The following SLC25A46 variants were observed in gnomAD, a reference collection of about 807,000 sequenced individuals.
SLC25A46 encodes solute carrier family 25 member 46.
In SLC25A46, 39 loss-of-function variants were observed where a neutral mutation model predicts 44.6. The ratio of observed to expected loss-of-function variants is 0.87; its 90% CI spans 0.68 to 1.14. SLC25A46 has a LOEUF of 1.14. Among genes scored for constraint, SLC25A46 ranks in the 50% most tolerant of loss-of-function variants. The pLI is 0.00. For synonymous variants in SLC25A46, 202 were observed against 185.8 expected, an observed-to-expected ratio of 1.09 and a Z score of -0.71; for missense variants, 547 against 522.7, an observed-to-expected ratio of 1.05 and a Z score of -0.45.
chr5:110,739,091 C>T lies in SLC25A46; in HGVS notation c.-29C>T, dbSNP rs377179458. 242 of 1,539,260 alleles carry T rather than the reference C, an allele frequency of 1.6e-4. No homozygotes were observed. The highest frequency in any genetic ancestry group is 1.9e-4 in the Non-Finnish European group (217 of 1,145,448). On this transcript the variant is annotated 5_prime_UTR_variant, in exon 1 of 8. Coordinates refer to ENST00000355943, the MANE Select transcript of SLC25A46 (RefSeq NM_138773.4). Reference sequence around the variant, plus strand: ...GGCCCCGGTGGTGGTGGGCTCCGGGCGGGCTCGCGTCATCCTGCCCCCGCT... The same window carrying T: ...GGCCCCGGTGGTGGTGGGCTCCGGGTGGGCTCGCGTCATCCTGCCCCCGCT...
rs770434608 is a variant in SLC25A46, at chr5:110,763,380, G to A, written c.*1598G>A. ...AACAGTAATAAGTAGCAAATCTCTC[G>A]TGTGTGTGTGTGTGTAGTTACTGAA... is the stretch of plus-strand genomic sequence containing the variant. On this transcript the variant is annotated 3_prime_UTR_variant, in exon 8 of 8. Transcript: ENST00000355943. 7.9e-5 allele frequency: 11 copies of A among 140,098 alleles called. No homozygotes were observed. The highest frequency in any genetic ancestry group is 2.1e-4 in the South Asian group (1 of 4,760). 8.7% of individuals were successfully genotyped at this position (140,098 alleles called of 1,614,324 possible). A position where few individuals can be genotyped will look rare whatever the true frequency, so the allele number is the denominator to read the frequency against.
chr5:110,739,056 AG>A lies in SLC25A46; in HGVS notation c.-62del. ...GGCCGACGGGAAGCTGTGTGTGCTT[AG>A]GTCGTGGTGGCCCCGGTGGTGGTGG... On this transcript the variant is annotated 5_prime_UTR_variant, in exon 1 of 8. Coordinates refer to ENST00000355943, the MANE Select transcript of SLC25A46 (RefSeq NM_138773.4). 1 of 1,519,378 alleles carries A rather than the reference AG, an allele frequency of 6.6e-7. No individual in the cohort carries two copies. The highest frequency in any genetic ancestry group is 8.8e-7 in the Non-Finnish European group (1 of 1,140,260). 94.1% of individuals were successfully genotyped at this position (1,519,378 alleles called of 1,614,324 possible). A position where few individuals can be genotyped will look rare whatever the true frequency, so the allele number is the denominator to read the frequency against.
At chr5:110,758,114 T>C (rs1404707417) in intron 7 of SLC25A46, among the ~76,000 whole-genome samples, 3 of 152,198 alleles carry the variant, frequency 2.0e-5, no homozygotes, top group African/African-American at 7.2e-5. Flanking sequence ...TTTTGATCTC[T>C]TTTGTCTGCT....
intron 2 of SLC25A46, 39 bp downstream of exon 2, chr5:110,742,128 T>C (rs1580855521): frequency 7.1e-7 from 1 of 1,404,702 alleles, no homozygotes; most frequent in Non-Finnish European, 9.6e-7. Context: ...CTTTTATTTA[T>C]TGAATTTAGA....
chr5:110,740,548 AAGAT>A (rs1010908521), intron 1 of SLC25A46, among the ~76,000 whole-genome samples: 5 of 152,150 alleles, frequency 3.3e-5, no homozygotes, highest in African/African-American at 1.2e-4. Flanking sequence ...TTTTGCAACA[AAGAT>A]AGACACCTAA....
intron 3 of SLC25A46, 112 bp downstream of exon 3, chr5:110,743,899 C>A: frequency 1.2e-6 from 1 of 804,306 alleles, no homozygotes; most frequent in Non-Finnish European, 1.9e-6. Context: ...GTGAAATGTT[C>A]CAAACTTTTT....
Position 110,762,326 on chromosome 5 carries a change from C to A in SLC25A46, c.*544C>A, listed in dbSNP as rs1304637485. 6.5e-6 allele frequency: 1 copy of A among 152,704 alleles called. No individual in the cohort carries two copies. Among genetic ancestry groups the A allele is most frequent in the Non-Finnish European group, 1.5e-5 (1 of 68,592 alleles). The allele number at this position is 152,704 out of a possible 1,614,324, so 9.5% of individuals were successfully genotyped here. A position where few individuals can be genotyped will look rare whatever the true frequency, so the allele number is the denominator to read the frequency against. ...GTATAAATGTTTTAAATTGCATTGTCCCTATGTAACTATCTTAATGGCTAT... is the reference window on the plus strand; with the variant it reads ...GTATAAATGTTTTAAATTGCATTGTACCTATGTAACTATCTTAATGGCTAT... On this transcript the variant is annotated 3_prime_UTR_variant, in exon 8 of 8. Transcript: ENST00000355943.
At position 110,739,421 on chromosome 5, in the gene SLC25A46, G is replaced by C. The variant is rs1188574170; in HGVS notation, c.283+19G>C. The C allele has an allele frequency of 2.0e-6, 3 of 1,531,124 alleles. No individual in the cohort carries two copies. The highest frequency in any genetic ancestry group is 2.1e-5 in the Admixed American group (1 of 47,776). 94.8% of individuals were successfully genotyped at this position (1,531,124 alleles called of 1,614,324 possible). A position where few individuals can be genotyped will look rare whatever the true frequency, so the allele number is the denominator to read the frequency against. On this transcript the variant is annotated intron_variant, in intron 1 of 7. Transcript: ENST00000355943. ...AGCAGTGGTGAGAAGCATGGGGACC[G>C]ACACAGGGATGAGGGGTTACTGGGG...
At chr5:110,751,078 A>T (rs1799957935) in intron 5 of SLC25A46, among the ~76,000 whole-genome samples, 1 of 152,086 alleles carries the variant, frequency 6.6e-6, no homozygotes, top group Non-Finnish European at 1.5e-5. Context: ...GCATTGTTCT[A>T]CTTGGATAAT....
At chr5:110,755,561 C>G (rs1249593872) in intron 6 of SLC25A46, 40 bp downstream of exon 6, 1 of 1,294,184 alleles carries the variant, frequency 7.7e-7, no homozygotes, top group South Asian at 1.3e-5. Flanking sequence ...GGCATTTTCA[C>G]TAATTTTTAT....
At chr5:110,760,673 A>G (rs1800226647) in intron 7 of SLC25A46, among the ~76,000 whole-genome samples, 2 of 152,282 alleles carry the variant, frequency 1.3e-5, no homozygotes, top group Non-Finnish European at 2.9e-5. Context: ...TGCAGGTGGT[A>G]ATAAGACTAA....
Position 110,739,400 on chromosome 5 carries a change from G to C in SLC25A46, c.281G>C (p.Ser94Thr). 6.5e-7 allele frequency: 1 copy of C among 1,541,288 alleles called. No individual in the cohort carries two copies. The highest frequency in any genetic ancestry group is 8.7e-7 in the Non-Finnish European group (1 of 1,148,600). ...GGCGGCAGTGTGCAGGGGCAGAGCAGTGGTGAGAAGCATGGGGACCGACAC... is the reference window on the plus strand; with the variant it reads ...GGCGGCAGTGTGCAGGGGCAGAGCACTGGTGAGAAGCATGGGGACCGACAC... Reference protein sequence around the residue: ...GGGGSVQGQSSEQLNRFAGFG... With the variant: ...GGGGSVQGQSTEQLNRFAGFG... Residue 94 changes from serine to threonine, a missense_variant and splice_region_variant, in exon 1 of 8, where the codon AGT becomes ACT. Ser to Thr is a moderately conservative substitution (Grantham distance 58). Transcript: ENST00000355943.
chr5:110,756,490 A>G (rs1224597684), intron 6 of SLC25A46, among the ~76,000 whole-genome samples: 1 of 152,036 alleles, frequency 6.6e-6, no homozygotes, highest in African/African-American at 2.4e-5. Context: ...TTGTTTTATC[A>G]TTTGATTTTT....
In SLC25A46 at chr5:110,758,136, C is replaced by CT. The variant is rs1029579539; in HGVS notation, c.678+1383dup. 1.3e-4 allele frequency among the ~76,000 whole-genome samples: 20 copies of CT among 152,084 alleles called. No homozygotes were observed. In the East Asian group the frequency reaches 1.5e-3, roughly 12 times the overall value. On this transcript the variant is annotated intron_variant, in intron 7 of 7. Coordinates refer to ENST00000355943, the MANE Select transcript of SLC25A46 (RefSeq NM_138773.4). ...CTCTTTTGTCTGCTTTTCTAGAACTCTTTTTTCTTTAGATTTCTCTCTCTT... is the reference window on the plus strand; with the variant it reads ...CTCTTTTGTCTGCTTTTCTAGAACTCTTTTTTTCTTTAGATTTCTCTCTCTT...
Position 110,761,393 on chromosome 5 carries a change from C to G in SLC25A46, c.868C>G (p.Leu290Val). ...TATTCAGAAGTTTGTCCTACTAATT[C>G]TAAAGAGAAAGACTTACAATAGCCA... ...SVIQKFVLLI[L>V]KRKTYNSHLA... The change falls in exon 8 of 8, where the codon CTA (leucine) becomes GTA (valine). Residue 290 changes from leucine to valine, a missense_variant. Physicochemically the swap from Leu to Val is conservative, Grantham distance 32. Coordinates refer to ENST00000355943, the MANE Select transcript of SLC25A46 (RefSeq NM_138773.4). The surrounding 1 kb of genome is among the most constrained non-coding windows in gnomAD (Gnocchi z 5.3). 3 of 1,613,696 alleles carry G rather than the reference C, an allele frequency of 1.9e-6. No individual in the cohort carries two copies. The highest frequency in any genetic ancestry group is 2.5e-6 in the Non-Finnish European group (3 of 1,179,784).
Position 110,763,014 on chromosome 5 carries a change from G to C in SLC25A46, c.*1232G>C, listed in dbSNP as rs1170068975. 2 of 151,800 alleles carry C rather than the reference G, an allele frequency of 1.3e-5. No individual in the cohort carries two copies. Among genetic ancestry groups the C allele is most frequent in the Non-Finnish European group, 2.9e-5 (2 of 67,862 alleles). The allele number at this position is 151,800 out of a possible 1,614,324, so 9.4% of individuals were successfully genotyped here. On this transcript the variant is annotated 3_prime_UTR_variant, in exon 8 of 8. Transcript: ENST00000355943. ...ATGGGTGAGGGGAAAAAGTACATTT[G>C]TACATTTCAACATATAATAAGCAAA...
chr5:110,743,873 G>T, intron 3 of SLC25A46, 86 bp downstream of exon 3: 1 of 1,025,526 alleles, frequency 9.8e-7, no homozygotes, highest in East Asian at 2.7e-5. Flanking sequence ...ATGAAACCAG[G>T]TAATTGTTAC....
chr5:110,738,381 T>C, upstream of SLC25A46: 1 of 538,474 alleles, frequency 1.9e-6, no homozygotes, highest in Non-Finnish European at 2.5e-6. Flanking sequence ...AAACTATAGT[T>C]TCTTTACAGC....
intron 7 of SLC25A46, among the ~76,000 whole-genome samples, chr5:110,759,699 G>A (rs1800200386): frequency 6.6e-6 from 1 of 152,136 alleles, no homozygotes; most frequent in Non-Finnish European, 1.5e-5. Flanking sequence ...TTTTGTTTGA[G>A]AAGGATGGAA....
Sources: allele counts gnomAD v4.1 joint callset (sites outside exome capture counted in the v4.1 genomes callset), GRCh38; gene constraint gnomAD v4.1.1; non-coding constraint Gnocchi (gnomAD v3.1); transcripts MANE v1.5; gene names NCBI Gene and HGNC (gene_info 2026-07-23, HGNC 2026-07-21).